The following NAA30 variants were observed in gnomAD, a reference collection of about 807,000 sequenced individuals.
NAA30 encodes N-alpha-acetyltransferase 30, NatC catalytic subunit.
Under a neutral mutation model 31.4 loss-of-function variants are expected in NAA30, and 5 were observed. The ratio of observed to expected loss-of-function variants is 0.16; its 90% CI spans 0.08 to 0.33. The LOEUF (loss-of-function observed/expected upper bound fraction) is 0.33. Ranked by LOEUF, NAA30 falls within the 10% of genes least tolerant of loss-of-function variation. The probability of loss-of-function intolerance (pLI) is 1.00; values close to 1 mark genes in which losing one functional copy is unlikely to be tolerated. For synonymous variants in NAA30, 222 were observed against 207.1 expected (o/e 1.07, Z -0.62); for missense variants, 428 against 490.8 (o/e 0.87, Z 1.21).
At chr14:57,399,769 T>A (rs1218030652) in intron 3 of NAA30, 59 bp from the exon 4 acceptor site, 7 of 900,324 alleles carry the variant, frequency 7.8e-6, no homozygotes, top group African/African-American at 1.7e-5. Context: ...AATATTATAA[T>A]TTAGGTTATC....
Position 57,391,874 on chromosome 14 carries a change from A to C in NAA30, c.771+146A>C, listed in dbSNP as rs2066429686. On this transcript the variant is annotated intron_variant, in intron 2 of 4. Transcript: ENST00000556492. This position sits in a 1 kb window ranked among gnomAD's most constrained non-coding sequence, Gnocchi z 4.1. ...GATGTCAAGTGCTGTACACATTCCTAGTTATTTAATGAAATTGTTTTGAAG... is the reference window on the plus strand; with the variant it reads ...GATGTCAAGTGCTGTACACATTCCTCGTTATTTAATGAAATTGTTTTGAAG... 1 of 688,464 alleles carries C rather than the reference A, an allele frequency of 1.5e-6. No homozygotes were observed. Among genetic ancestry groups the C allele is most frequent in the Non-Finnish European group, 2.4e-6 (1 of 409,998 alleles). 42.6% of individuals were successfully genotyped at this position (688,464 alleles called of 1,614,324 possible). A position where few individuals can be genotyped will look rare whatever the true frequency, so the allele number is the denominator to read the frequency against.
chr14:57,396,536 C>G (rs1055839551), intron 2 of NAA30, among the ~76,000 whole-genome samples: 3 of 152,034 alleles, frequency 2.0e-5, no homozygotes, highest in Non-Finnish European at 4.4e-5. Context: ...ATAAAAAATT[C>G]ATGTTCTAAA....
intron 2 of NAA30, among the ~76,000 whole-genome samples, chr14:57,395,317 A>G (rs1321040556): frequency 1.3e-5 from 2 of 152,134 alleles, no homozygotes; most frequent in Admixed American, 6.6e-5. Flanking sequence ...CCACAGTTAA[A>G]AAAAGGCCTT....
chr14:57,408,502 G>C (rs1281022818), intron 4 of NAA30, among the ~76,000 whole-genome samples: 1 of 152,148 alleles, frequency 6.6e-6, no homozygotes. Flanking sequence ...ATATAGACCA[G>C]TGGTTCTCAA....
intron 4 of NAA30, among the ~76,000 whole-genome samples, chr14:57,407,017 C>T (rs2066500978): frequency 6.6e-6 from 1 of 152,060 alleles, no homozygotes; most frequent in South Asian, 2.1e-4. Context: ...CTCTGCCCCT[C>T]CAAGTAGCTG....
intron 4 of NAA30, among the ~76,000 whole-genome samples, chr14:57,400,366 CTT>C (rs2066470145): frequency 1.3e-5 from 2 of 152,192 alleles, no homozygotes; most frequent in Admixed American, 1.3e-4. Flanking sequence ...CATTTTCTCT[CTT>C]CAGCTTGTTT....
rs747222145 is a variant in NAA30 at position 57,396,885 on chromosome 14, ATAT to A, written c.895+15_895+17del. 13 of 1,612,496 alleles carry A rather than the reference ATAT, an allele frequency of 8.1e-6. No homozygotes were observed. The highest frequency in any genetic ancestry group is 2.2e-5 in the South Asian group (2 of 90,878). ...AGGAGAAATGGCATTGGTAAGAAAA[ATAT>A]TATTTTATGGAAAGAATGCCTAAGC... On this transcript the variant is annotated intron_variant, in intron 3 of 4. Transcript: ENST00000556492.
At chr14:57,396,156 G>A (rs960652734) in intron 2 of NAA30, among the ~76,000 whole-genome samples, 2 of 152,026 alleles carry the variant, frequency 1.3e-5, no homozygotes, top group Non-Finnish European at 2.9e-5. Flanking sequence ...AGTAATTTTG[G>A]TGGAGACAGG....
Position 57,415,625 on chromosome 14 carries a change from G to T in NAA30, c.*6109G>T, listed in dbSNP as rs977803709. On this transcript the variant is annotated 3_prime_UTR_variant, in exon 5 of 5. Coordinates refer to ENST00000556492, the MANE Select transcript of NAA30 (RefSeq NM_001011713.3). ...CCACAGTTGCATGAAACTTTTAAAAGTTTAAGATATAAAGTAATTGCTAAA... is the reference window on the plus strand; with the variant it reads ...CCACAGTTGCATGAAACTTTTAAAATTTTAAGATATAAAGTAATTGCTAAA... 1.3e-5 allele frequency: 2 copies of T among 152,152 alleles called. No individual in the cohort carries two copies. Among genetic ancestry groups the T allele is most frequent in the Non-Finnish European group, 2.9e-5 (2 of 68,028 alleles). 9.4% of individuals were successfully genotyped at this position (152,152 alleles called of 1,614,324 possible).
In NAA30 at chr14:57,411,742, C is replaced by CA. The variant is rs2066523778; in HGVS notation, c.*2233dup. The CA allele has an allele frequency of 6.6e-6, 1 of 151,920 alleles. No homozygotes were observed. The highest frequency in any genetic ancestry group is 1.5e-5 in the Non-Finnish European group (1 of 67,934). The allele number at this position is 151,920 out of a possible 1,614,324, so 9.4% of individuals were successfully genotyped here. A position where few individuals can be genotyped will look rare whatever the true frequency, so the allele number is the denominator to read the frequency against. ...TGCCTTATGTCTTTAATTGGGTATG[C>CA]AAAAAAATTTTTACTTAAGTAGATT... On this transcript the variant is annotated 3_prime_UTR_variant, in exon 5 of 5. Transcript: ENST00000556492.
In NAA30 at chr14:57,391,503, G is replaced by C; in HGVS notation, c.546G>C (p.Glu182Asp). ...GTEQEEEEED[E>D]QVRLLSSSLT... ...AGCAGGAGGAGGAGGAGGAAGACGAGCAGGTGCGGCTGCTGTCTTCGTCCC... is the reference window on the plus strand; with the variant it reads ...AGCAGGAGGAGGAGGAGGAAGACGACCAGGTGCGGCTGCTGTCTTCGTCCC... The change falls in exon 2 of 5, where the codon GAG becomes GAC. Residue 182 changes from glutamate (E) to aspartate (D), a missense_variant. Glu to Asp is a conservative substitution (Grantham distance 45). Around this residue, in one of 2 missense-constraint regions of NAA30, gnomAD observed 349 missense variants for 310.4 expected, o/e 1.12. Transcript: ENST00000556492. The surrounding 1 kb of genome is among the most constrained non-coding windows in gnomAD (Gnocchi z 4.1). The C allele has an allele frequency of 6.2e-7, 1 of 1,613,474 alleles. No homozygotes were observed. The highest frequency in any genetic ancestry group is 8.5e-7 in the Non-Finnish European group (1 of 1,179,838).
chr14:57,414,134 C>T lies in NAA30; in HGVS notation c.*4618C>T, dbSNP rs2049112692. On this transcript the variant is annotated 3_prime_UTR_variant, in exon 5 of 5. Transcript: ENST00000556492. ...ATAAAATGGAAGGATCACAATTAGG[C>T]CAGATGTGGTGGCTCACGCCTATTA... The T allele has an allele frequency of 6.6e-6, 1 of 152,192 alleles. No homozygotes were observed. Among genetic ancestry groups the T allele is most frequent in the South Asian group, 2.1e-4 (1 of 4,824 alleles). 9.4% of individuals were successfully genotyped at this position (152,192 alleles called of 1,614,324 possible).
In NAA30 at chr14:57,391,186, C is replaced by G; in HGVS notation, c.229C>G (p.Pro77Ala). 6.2e-7 allele frequency: 1 copy of G among 1,610,646 alleles called. No homozygotes were observed. Among genetic ancestry groups the G allele is most frequent in the Non-Finnish European group, 8.5e-7 (1 of 1,179,568 alleles). Residue 77 changes from proline to alanine, a missense_variant, in exon 2 of 5, where the codon CCG (proline) becomes GCG (alanine). Physicochemically the swap from Pro to Ala is conservative, Grantham distance 27 (BLOSUM62 -1). Coordinates refer to ENST00000556492, the MANE Select transcript of NAA30 (RefSeq NM_001011713.3). This position sits in a 1 kb window ranked among gnomAD's most constrained non-coding sequence, Gnocchi z 4.1. ...GCATCCGTGCCTCCGCTGCCCTCAG[C>G]CGCCGCAGGAGCAGCAGCAGCTCAA... Reference protein sequence around the residue: ...KGHPCLRCPQPPQEQQQLNGL... With the variant: ...KGHPCLRCPQAPQEQQQLNGL...
chr14:57,398,442 A>T (rs2066460303), intron 3 of NAA30, among the ~76,000 whole-genome samples: 1 of 152,044 alleles, frequency 6.6e-6, no homozygotes, highest in African/African-American at 2.4e-5. Context: ...TGGCTTGAAA[A>T]TTAAGAGTTT....
Position 57,390,641 on chromosome 14 carries a change from GA to G in NAA30, c.-64del. ...CGGCTGTGGAGGCTGCCGCGGCTGC[GA>G]AGGAGGCGGCGGCGGTGGCGGAGGA... On this transcript the variant is annotated 5_prime_UTR_variant, in exon 1 of 5. Coordinates refer to ENST00000556492, the MANE Select transcript of NAA30 (RefSeq NM_001011713.3). 1 of 357,546 alleles carries G rather than the reference GA, an allele frequency of 2.8e-6. No individual in the cohort carries two copies. Among genetic ancestry groups the G allele is most frequent in the Non-Finnish European group, 5.0e-6 (1 of 200,296 alleles). The allele number at this position is 357,546 out of a possible 1,614,324, so 22.1% of individuals were successfully genotyped here.
At chr14:57,408,552 A>G (rs1217652073) in intron 4 of NAA30, among the ~76,000 whole-genome samples, 6 of 152,184 alleles carry the variant, frequency 3.9e-5, no homozygotes, top group Admixed American at 3.9e-4. Context: ...TCATCTAGCA[A>G]TTTAAAAATA....
chr14:57,404,104 G>A lies in NAA30; in HGVS notation c.951+4221G>A, dbSNP rs1290216041. 4.6e-5 allele frequency among the ~76,000 whole-genome samples: 7 copies of A among 152,176 alleles called. No homozygotes were observed. The South Asian group carries it at 1.2e-3, about 27-fold the overall frequency. ...TGGGAGGCCAAGGTGGGTGGATCAC[G>A]AGGTCAGGAGTTCGAGACCAGCCTG... On this transcript the variant is annotated intron_variant, in intron 4 of 4. Transcript: ENST00000556492.
intron 3 of NAA30, among the ~76,000 whole-genome samples, chr14:57,399,148 C>A (rs2066463324): frequency 6.6e-6 from 1 of 152,240 alleles, no homozygotes; most frequent in African/African-American, 2.4e-5. Flanking sequence ...CAGGCGTGAA[C>A]CACTGCGCCC....
intron 4 of NAA30, among the ~76,000 whole-genome samples, chr14:57,406,727 C>T (rs951216081): frequency 1.3e-5 from 2 of 152,062 alleles, no homozygotes; most frequent in Non-Finnish European, 2.9e-5. Flanking sequence ...TGCTTTGATT[C>T]AACATTTTAG....
Sources: gnomAD v4.1 joint callset for allele counts (sites outside exome capture counted in the v4.1 genomes callset) on GRCh38, gnomAD v4.1.1 for gene constraint, gnomAD v4.1.1 regional missense constraint, Gnocchi (gnomAD v3.1) non-coding constraint, MANE v1.5 for transcripts, NCBI Gene and HGNC (gene_info 2026-07-23, HGNC 2026-07-21) for gene names.